The following MRPL43 variants were observed in gnomAD, a reference collection of about 807,000 sequenced individuals.
MRPL43 encodes mitochondrial ribosomal protein L43, also known as large ribosomal subunit protein mL43.
Under a neutral mutation model 12.7 loss-of-function variants are expected in MRPL43, and 9 were observed. That is an observed-to-expected ratio of 0.71 (90% CI 0.43 to 1.24). The LOEUF (loss-of-function observed/expected upper bound fraction) is 1.24, where lower values mean the gene tolerates loss of function less well. Ranked by LOEUF, MRPL43 falls within the 50% of genes most tolerant of loss-of-function variation. MRPL43 has a pLI of 0.00. For missense variants in MRPL43, 211 were observed against 229.2 expected, an observed-to-expected ratio of 0.92 and a Z score of 0.51; for synonymous variants, 116 against 96.4, an observed-to-expected ratio of 1.20 and a Z score of -1.19.
downstream of MRPL43, chr10:100,979,937 G>T (rs1850980816): frequency 6.2e-7 from 1 of 1,614,150 alleles, no homozygotes. Context: ...TACCAGGATG[G>T]TTCCCGGCGC....
chr10:100,984,861 CCCCA>C (rs1188248769), downstream of MRPL43: 99 of 1,491,704 alleles, frequency 6.6e-5, 2 homozygotes, highest in East Asian at 9.9e-4. Flanking sequence ...GAATCAGCCT[CCCCA>C]CTCTCCTTGG....
downstream of MRPL43, chr10:100,984,575 C>A (rs536866327): frequency 6.5e-7 from 1 of 1,536,180 alleles, no homozygotes; most frequent in Non-Finnish European, 8.7e-7. Context: ...CCAGACAAGA[C>A]CTCTGCCAGC....
downstream of MRPL43, chr10:100,984,239 C>T: frequency 6.9e-7 from 1 of 1,459,792 alleles, no homozygotes; most frequent in East Asian, 2.4e-5. Context: ...CACTCCATAC[C>T]CTTCTCCCAA....
Position 100,986,418 on chromosome 10 carries a change from G to T in MRPL43, c.*316C>A. 6.7e-7 allele frequency: 1 copy of T among 1,494,562 alleles called. No individual in the cohort carries two copies. The highest frequency in any genetic ancestry group is 1.4e-5 in the South Asian group (1 of 73,434). The allele number at this position is 1,494,562 out of a possible 1,614,324, so 92.6% of individuals were successfully genotyped here. On this transcript the variant is annotated 3_prime_UTR_variant, in exon 3 of 3. Coordinates refer to ENST00000318364, the MANE Select transcript of MRPL43 (RefSeq NM_032112.3). ...GGGATTCTTCAGAAGCCAGCCTTCA[G>T]ACCTCTCACTGTGTTTTGAGATCAT... is the stretch of plus-strand genomic sequence containing the variant.
At position 100,986,406 on chromosome 10, in the gene MRPL43, A is replaced by ATTCC; in HGVS notation, c.*327_*328insGGAA. On this transcript the variant is annotated 3_prime_UTR_variant, in exon 3 of 3. Coordinates refer to ENST00000318364, the MANE Select transcript of MRPL43 (RefSeq NM_032112.3). The stretch of plus-strand genomic sequence containing the variant: ...AATAAGACATCAGGGATTCTTCAGA[A>ATTCC]GCCAGCCTTCAGACCTCTCACTGTG... 11 of 1,480,218 alleles carry ATTCC rather than the reference A, an allele frequency of 7.4e-6. No homozygotes were observed. Among genetic ancestry groups the ATTCC allele is most frequent in the Non-Finnish European group, 9.8e-6 (11 of 1,118,568 alleles). The allele number at this position is 1,480,218 out of a possible 1,614,324, so 91.7% of individuals were successfully genotyped here. A position where few individuals can be genotyped will look rare whatever the true frequency, so the allele number is the denominator to read the frequency against.
In MRPL43 at chr10:100,987,349, C is replaced by T. The variant is rs778519065; in HGVS notation, c.95G>A (p.Ser32Asn). The change falls in exon 1 of 3, where the codon AGC (serine) becomes AAC (asparagine). Residue 32 changes from serine (S) to asparagine (N), a missense_variant. Transcript: ENST00000318364. ...AGACGAGGCGCCGTCGCGGCTGACG[C>T]TGAAGCTCAGACGCTGCAGCTGCTG... ...YVQQLQRLSF[S>N]VSRDGASSRG... The T allele has an allele frequency of 6.2e-7, 1 of 1,612,604 alleles. No individual in the cohort carries two copies. Among genetic ancestry groups the T allele is most frequent in the Admixed American group, 1.7e-5 (1 of 60,000 alleles).
downstream of MRPL43, chr10:100,977,976 T>C: frequency 1.7e-6 from 1 of 572,898 alleles, no homozygotes; most frequent in Admixed American, 3.1e-5. Flanking sequence ...CTGGCAAACT[T>C]CATTTAACCC....
downstream of MRPL43, chr10:100,981,067 G>A: frequency 6.3e-7 from 1 of 1,599,252 alleles, no homozygotes; most frequent in Non-Finnish European, 8.6e-7. Flanking sequence ...AGCTACTGGG[G>A]GAGTGCAGGG....
At chr10:100,982,473 C>G (rs1431866332), downstream of MRPL43, among the ~76,000 whole-genome samples, 1 of 152,144 alleles carries the variant, frequency 6.6e-6, no homozygotes, top group African/African-American at 2.4e-5. Context: ...ATGCCAGAAA[C>G]AGAATCTTAG....
downstream of MRPL43, chr10:100,980,909 T>C (rs748411182): frequency 2.0e-5 from 32 of 1,612,498 alleles, no homozygotes; most frequent in Non-Finnish European, 2.6e-5. Context: ...TGACTGCATC[T>C]TGGCCCGAGA....
At chr10:100,982,062 C>CAAA (rs34646595), downstream of MRPL43, among the ~76,000 whole-genome samples, 2 of 126,822 alleles carry the variant, frequency 1.6e-5, no homozygotes, top group Non-Finnish European at 1.6e-5. Flanking sequence ...CATCTCATCT[C>CAAA]AAAAAAAAAA....
At chr10:100,984,102 G>T (rs375024485), downstream of MRPL43, 2 of 1,612,786 alleles carry the variant, frequency 1.2e-6, no homozygotes, top group Admixed American at 3.3e-5. Context: ...CACGCAGCTC[G>T]TGGAGCAGCT....
downstream of MRPL43, chr10:100,979,103 G>A (rs200202967): frequency 7.9e-5 from 128 of 1,613,922 alleles, no homozygotes; most frequent in Middle Eastern, 8.2e-4. Context: ...CCTCCCCAGG[G>A]AGACCTGGGA....
At chr10:100,984,477 C>T, downstream of MRPL43, 3 of 1,530,612 alleles carry the variant, frequency 2.0e-6, no homozygotes, top group Non-Finnish European at 2.6e-6. Flanking sequence ...CAAACCCTTT[C>T]TCTTTCTCCC....
Position 100,986,787 on chromosome 10 carries a change from G to A in MRPL43, c.427C>T (p.Leu143=), listed in dbSNP as rs1442210795. 1 of 1,613,714 alleles carries A rather than the reference G, an allele frequency of 6.2e-7. No homozygotes were observed. The highest frequency in any genetic ancestry group is 8.5e-7 in the Non-Finnish European group (1 of 1,180,046). Residue 143 remains leucine (L), a synonymous_variant, in exon 3 of 3, where the codon CTA becomes TTA. Coordinates refer to ENST00000318364, the MANE Select transcript of MRPL43 (RefSeq NM_032112.3). ...GGATCCTGAACCTCTCGGGGGCGTA[G>A]CCCGCGGAACGTGGTCGGCTTGTTG... ...FTNKPTTFRG[L]RPREVQDPAP... is the part of the protein sequence containing the mutation.
downstream of MRPL43, chr10:100,984,690 C>T (rs1301958846): frequency 6.5e-6 from 10 of 1,536,264 alleles, no homozygotes; most frequent in South Asian, 9.5e-5. Context: ...TTGTTTCATC[C>T]CTGCTTCTGG....
downstream of MRPL43, chr10:100,978,770 A>C: frequency 6.4e-7 from 1 of 1,573,980 alleles, no homozygotes. Flanking sequence ...GTGTGTTGTC[A>C]AGTGAGGGGT....
At chr10:100,983,769 C>T (rs779055594), downstream of MRPL43, 26 of 1,609,918 alleles carry the variant, frequency 1.6e-5, no homozygotes, top group South Asian at 1.1e-4. Context: ...TCGGGCCAGC[C>T]GGGCAGGAGG....
chr10:100,983,726 C>A, downstream of MRPL43: 1 of 1,613,426 alleles, frequency 6.2e-7, no homozygotes, highest in Non-Finnish European at 8.5e-7. Flanking sequence ...TGCGGGAAGG[C>A]AGACGAGGGC....
Sources: gnomAD v4.1 joint callset for allele counts (sites outside exome capture counted in the v4.1 genomes callset) on GRCh38, gnomAD v4.1.1 for gene constraint, MANE v1.5 for transcripts, NCBI Gene and HGNC (gene_info 2026-07-23, HGNC 2026-07-21) for gene names.